The following STXBP5L variants were observed in gnomAD, a reference collection of about 807,000 sequenced individuals.
The protein encoded by STXBP5L is syntaxin binding protein 5L.
STXBP5L carries 65 observed loss-of-function variants against 144.5 expected under a neutral mutation model. The observed-to-expected ratio is 0.45, with a 90% CI of 0.37 to 0.55. The LOEUF (loss-of-function observed/expected upper bound fraction) is 0.55, where lower values mean the gene tolerates loss of function less well. Among genes scored for constraint, STXBP5L ranks in the 20% least tolerant of loss-of-function variants. The pLI is 0.00. For missense variants in STXBP5L, 1,298 were observed against 1,405.5 expected, an observed-to-expected ratio of 0.92 and a Z score of 1.22; for synonymous variants, 505 against 469.6, an observed-to-expected ratio of 1.08 and a Z score of -0.97.
At chr3:121,028,260 C>T (rs573246422) in intron 3 of STXBP5L, among the ~76,000 whole-genome samples, 23 of 151,928 alleles carry the variant, frequency 1.5e-4, no homozygotes, top group Non-Finnish European at 2.6e-4. Flanking sequence ...GATTATTATG[C>T]TATTAATAAA....
intron 4 of STXBP5L, among the ~76,000 whole-genome samples, chr3:121,042,212 C>G (rs923359355): frequency 6.6e-6 from 1 of 151,914 alleles, no homozygotes; most frequent in Non-Finnish European, 1.5e-5. Context: ...GCATATATCT[C>G]CAAATACATT....
intron 3 of STXBP5L, among the ~76,000 whole-genome samples, chr3:121,021,337 C>A (rs112310672): frequency 0.017 from 2,516 of 152,170 alleles, 66 homozygotes; most frequent in African/African-American, 0.057. Context: ...TAATACTCTA[C>A]TGATAGTACT....
At chr3:121,313,370 G>T (rs1459643632) in intron 19 of STXBP5L, among the ~76,000 whole-genome samples, 1 of 134,614 alleles carries the variant, frequency 7.4e-6, no homozygotes, top group African/African-American at 2.8e-5. Flanking sequence ...CTCCCGGACT[G>T]GGCGGCTGGC....
intron 9 of STXBP5L, among the ~76,000 whole-genome samples, chr3:121,174,350 C>T (rs1486762593): frequency 6.6e-6 from 1 of 151,998 alleles, no homozygotes; most frequent in Non-Finnish European, 1.5e-5. Context: ...CATGGCATAG[C>T]TTTTCCTTAG....
chr3:121,087,123 T>A (rs1183828289), intron 5 of STXBP5L, among the ~76,000 whole-genome samples: 1 of 152,128 alleles, frequency 6.6e-6, no homozygotes, highest in African/African-American at 2.4e-5. Flanking sequence ...TCTTTGTGTA[T>A]GTTCTGTGTA....
chr3:120,976,432 T>C (rs1941026533), intron 3 of STXBP5L, among the ~76,000 whole-genome samples: 1 of 152,248 alleles, frequency 6.6e-6, no homozygotes. Flanking sequence ...GATTCTTCTC[T>C]CTTTTCTTCT....
At chr3:120,975,222 G>A (rs1940816271) in intron 3 of STXBP5L, among the ~76,000 whole-genome samples, 1 of 152,152 alleles carries the variant, frequency 6.6e-6, no homozygotes, top group African/African-American at 2.4e-5. Flanking sequence ...ATTTCCTTGA[G>A]CAGTGGTTTG....
At chr3:121,300,012 CTT>C (rs138897866) in intron 19 of STXBP5L, among the ~76,000 whole-genome samples, 1,607 of 149,574 alleles carry the variant, frequency 0.011, 46 homozygotes, top group South Asian at 0.07. Context: ...GAAAACGACA[CTT>C]AAGACTTTAT....
chr3:121,180,251 T>G (rs2047089652), intron 9 of STXBP5L, among the ~76,000 whole-genome samples: 1 of 152,188 alleles, frequency 6.6e-6, no homozygotes, highest in Admixed American at 6.5e-5. Context: ...CAGCAGAAAC[T>G]TTACAAGCCA....
At chr3:121,253,971 C>G (rs1288705273) in intron 15 of STXBP5L, among the ~76,000 whole-genome samples, 2 of 151,738 alleles carry the variant, frequency 1.3e-5, no homozygotes, top group Non-Finnish European at 2.9e-5. Flanking sequence ...ATATTCTTTA[C>G]GACAAAAAAA....
chr3:121,398,382 G>A (rs1032931913), intron 22 of STXBP5L, among the ~76,000 whole-genome samples: 5 of 152,218 alleles, frequency 3.3e-5, no homozygotes, highest in Non-Finnish European at 5.9e-5. Context: ...GGCTGTGGTG[G>A]GGGACAGATA....
chr3:121,287,754 A>G (rs338992), intron 19 of STXBP5L, among the ~76,000 whole-genome samples: 116,507 of 151,812 alleles, frequency 0.77, 44,833 homozygotes, highest in East Asian at 0.93. Flanking sequence ...GCTTGAACCC[A>G]GGAGGCAGAG....
chr3:121,382,967 C>T (rs1020389014), intron 22 of STXBP5L, among the ~76,000 whole-genome samples: 1 of 152,016 alleles, frequency 6.6e-6, no homozygotes, highest in Non-Finnish European at 1.5e-5. Flanking sequence ...TTTCAAGACT[C>T]TAGTTAATAA....
chr3:121,088,231 A>C (rs572323864), intron 5 of STXBP5L, among the ~76,000 whole-genome samples: 10 of 139,064 alleles, frequency 7.2e-5, no homozygotes, highest in Non-Finnish European at 1.5e-4. Context: ...CAATGAACTC[A>C]AACAAATTTA....
rs186718986 is a variant in STXBP5L at position 121,159,487 on chromosome 3, T to G, written c.877+1860T>G. ...CACCCAACCTCAATTTCTAAGCATGTTTTTTATGATGGATTTTAAAATTGT... is the reference window on the plus strand; with the variant it reads ...CACCCAACCTCAATTTCTAAGCATGGTTTTTATGATGGATTTTAAAATTGT... On this transcript the variant is annotated intron_variant, in intron 9 of 26. Transcript: ENST00000471454. Among the ~76,000 whole-genome samples the G allele has an allele frequency of 2.2e-3, 338 of 152,198 alleles. 1 individual carries two copies. The highest frequency in any genetic ancestry group is 0.011 in the Admixed American group (169 of 15,284).
chr3:121,390,846 C>G lies in STXBP5L; in HGVS notation c.2587+9314C>G, dbSNP rs1006031507. Among the ~76,000 whole-genome samples the G allele has an allele frequency of 2.6e-5, 4 of 152,070 alleles. No individual in the cohort carries two copies. In the East Asian group the frequency reaches 7.7e-4, roughly 29 times the overall value. On this transcript the variant is annotated intron_variant, in intron 22 of 26. Coordinates refer to ENST00000471454, the MANE Select transcript of STXBP5L (RefSeq NM_001308330.2). ...TTCCTTCATTTCAACCTTGGTGAATCTGACAATTATGTGTCTCGGGGTTGC... is the reference window on the plus strand; with the variant it reads ...TTCCTTCATTTCAACCTTGGTGAATGTGACAATTATGTGTCTCGGGGTTGC...
At chr3:120,962,187 G>A (rs560792179) in intron 3 of STXBP5L, among the ~76,000 whole-genome samples, 2 of 152,170 alleles carry the variant, frequency 1.3e-5, no homozygotes, top group Non-Finnish European at 2.9e-5. Flanking sequence ...CCCTTTGTCA[G>A]ATAGGTAGAT....
At chr3:121,180,640 C>T (rs1234484347) in intron 9 of STXBP5L, among the ~76,000 whole-genome samples, 2 of 152,104 alleles carry the variant, frequency 1.3e-5, no homozygotes, top group Non-Finnish European at 2.9e-5. Flanking sequence ...TTGGGCAGGC[C>T]GAGGCAGGTG....
chr3:120,967,111 C>T (rs115761692), intron 3 of STXBP5L, among the ~76,000 whole-genome samples: 1,706 of 152,112 alleles, frequency 0.011, 34 homozygotes, highest in African/African-American at 0.038. Context: ...GAGCCAGGCA[C>T]GAGAGAGAAT....
Sources: gnomAD v4.1 joint callset for allele counts (sites outside exome capture counted in the v4.1 genomes callset) on GRCh38, gnomAD v4.1.1 for gene constraint, MANE v1.5 for transcripts, NCBI Gene and HGNC (gene_info 2026-07-23, HGNC 2026-07-21) for gene names.